VAT1L: variants seen among roughly 807,000 people sequenced by gnomAD.
VAT1L encodes the protein vesicle amine transport 1 like, also known as putative NADPH-dependent quinone oxidoreductase VAT1L.
VAT1L carries 34 observed loss-of-function variants against 44.1 expected under a neutral mutation model. That is an observed-to-expected ratio of 0.77 (90% confidence interval 0.59 to 1.03). The LOEUF (loss-of-function observed/expected upper bound fraction) is 1.03. VAT1L is among the 50% of genes least tolerant of loss of function. The pLI, the probability that VAT1L is intolerant of heterozygous loss-of-function variation, is 0.00. For missense variants in VAT1L, 615 were observed against 538.8 expected (o/e 1.14, Z -1.40); for synonymous variants, 253 against 202.2 (o/e 1.25, Z -2.13).
At chr16:77,873,666 A>G (rs2017056525) in intron 4 of VAT1L, among the ~76,000 whole-genome samples, 1 of 152,220 alleles carries the variant, frequency 6.6e-6, no homozygotes, top group Non-Finnish European at 1.5e-5. Context: ...GGTACTAAAA[A>G]GTATCTCCAG....
chr16:77,814,929 TACTG>T (rs1230893775), intron 1 of VAT1L, among the ~76,000 whole-genome samples: 6 of 152,240 alleles, frequency 3.9e-5, no homozygotes, highest in African/African-American at 1.2e-4. Context: ...ATGTATTGAA[TACTG>T]ACTATGTACG....
intron 3 of VAT1L, among the ~76,000 whole-genome samples, chr16:77,846,257 A>G (rs1028214324): frequency 6.6e-6 from 1 of 152,164 alleles, no homozygotes; most frequent in African/African-American, 2.4e-5. Context: ...CTTGTAAGCC[A>G]TTATGCCAGT....
chr16:77,914,975 A>C (rs1313787453), intron 7 of VAT1L, among the ~76,000 whole-genome samples: 1 of 152,144 alleles, frequency 6.6e-6, no homozygotes, highest in Non-Finnish European at 1.5e-5. Flanking sequence ...AAAATACAAA[A>C]TTAGCCAGGC....
chr16:77,836,563 C>T (rs1166471364), intron 3 of VAT1L, among the ~76,000 whole-genome samples: 2 of 152,156 alleles, frequency 1.3e-5, no homozygotes, highest in African/African-American at 4.8e-5. Flanking sequence ...TCCAAAATGT[C>T]AGAGACATTT....
intron 7 of VAT1L, among the ~76,000 whole-genome samples, chr16:77,948,021 A>G (rs2017991566): frequency 6.6e-6 from 1 of 152,116 alleles, no homozygotes; most frequent in African/African-American, 2.4e-5. Flanking sequence ...GGGCCTCCCA[A>G]AGTGCTGGGA....
At chr16:77,863,442 C>A (rs1797295821) in intron 4 of VAT1L, among the ~76,000 whole-genome samples, 1 of 152,204 alleles carries the variant, frequency 6.6e-6, no homozygotes, top group African/African-American at 2.4e-5. Flanking sequence ...AACTGAGAAA[C>A]CTTGTCATTG....
chr16:77,814,911 AG>A (rs1399014718), intron 1 of VAT1L, among the ~76,000 whole-genome samples: 2 of 152,202 alleles, frequency 1.3e-5, no homozygotes, highest in Non-Finnish European at 2.9e-5. Context: ...GCAAATTTCA[AG>A]GCTAACATGT....
Position 77,802,669 on chromosome 16 carries a change from C to CACA in VAT1L, c.233+13754_233+13755insACA, listed in dbSNP as rs1335721953. Among the ~76,000 whole-genome samples the CACA allele has an allele frequency of 4.0e-3, 533 of 131,724 alleles. 6 individuals are homozygous for CACA. Among genetic ancestry groups the CACA allele is most frequent in the Middle Eastern group, 8.0e-3 (2 of 250 alleles). The allele number at this position is 131,724 out of a possible 152,430, so 86.4% of individuals were successfully genotyped here. On this transcript the variant is annotated intron_variant, in intron 1 of 8. Transcript: ENST00000302536. Reference sequence around the variant, plus strand: ...ACACACACACACACACACACACACACTAAAGTTGCATCCATTCATGGCACG... The same window carrying CACA: ...ACACACACACACACACACACACACACACATAAAGTTGCATCCATTCATGGCACG...
intron 2 of VAT1L, among the ~76,000 whole-genome samples, chr16:77,819,264 T>A (rs1444999486): frequency 6.6e-6 from 1 of 152,214 alleles, no homozygotes. Context: ...CATCAGCTAT[T>A]CTGTGGGACT....
At chr16:77,939,398 G>C (rs2017848230) in intron 7 of VAT1L, among the ~76,000 whole-genome samples, 1 of 152,174 alleles carries the variant, frequency 6.6e-6, no homozygotes, top group South Asian at 2.1e-4. Context: ...AGGCGGGCGG[G>C]GTGGGGACGG....
Position 77,884,225 on chromosome 16 carries a change from A to G in VAT1L, c.883-383A>G, listed in dbSNP as rs1170806266. Among the ~76,000 whole-genome samples, 1 of 152,046 alleles carries G rather than the reference A, an allele frequency of 6.6e-6. No individual in the cohort carries two copies. Among genetic ancestry groups the G allele is most frequent in the East Asian group, 1.9e-4 (1 of 5,164 alleles). The stretch of plus-strand genomic sequence containing the variant: ...TGGATCACGAGGTCAGGAGTTCAAG[A>G]CCAGCCTGGCCAAGATGGTGAAACC... On this transcript the variant is annotated intron_variant, in intron 6 of 8. Transcript: ENST00000302536. The surrounding 1 kb of genome is among the most constrained non-coding windows in gnomAD (Gnocchi z 4.5).
At chr16:77,817,934 G>A (rs2016384084) in intron 2 of VAT1L, among the ~76,000 whole-genome samples, 1 of 152,158 alleles carries the variant, frequency 6.6e-6, no homozygotes, top group South Asian at 2.1e-4. Context: ...GAACCATGGA[G>A]AAGTTATCTT....
chr16:77,954,325 T>G (rs1165821558), intron 7 of VAT1L, among the ~76,000 whole-genome samples: 1 of 152,058 alleles, frequency 6.6e-6, no homozygotes, highest in Non-Finnish European at 1.5e-5. Flanking sequence ...TCTATCCAGA[T>G]AGCAAAAAGT....
intron 7 of VAT1L, among the ~76,000 whole-genome samples, chr16:77,959,144 T>C (rs1328888412): frequency 6.6e-6 from 1 of 152,162 alleles, no homozygotes; most frequent in Non-Finnish European, 1.5e-5. Context: ...CACCCTCATC[T>C]ATTCCCCACA....
At chr16:77,845,816 G>A (rs764988620) in intron 3 of VAT1L, among the ~76,000 whole-genome samples, 2 of 152,212 alleles carry the variant, frequency 1.3e-5, no homozygotes, top group African/African-American at 4.8e-5. Flanking sequence ...CCGCTCTTCT[G>A]CCTCTATGCC....
In VAT1L at chr16:77,858,835, CA is replaced by C. The variant is rs908988640; in HGVS notation, c.580-3904del. ...GTAACATAGTGAGACCCCATCTTTA[CA>C]AAAAAAAATTTTAAAAAGGCTGGGC... On this transcript the variant is annotated intron_variant, in intron 3 of 8. Coordinates refer to ENST00000302536, the MANE Select transcript of VAT1L (RefSeq NM_020927.3). 1.5e-4 allele frequency among the ~76,000 whole-genome samples: 22 copies of C among 151,384 alleles called. 1 individual carries two copies. In the East Asian group the frequency reaches 3.7e-3, roughly 25 times the overall value.
At chr16:77,856,661 C>A (rs2016862437) in intron 3 of VAT1L, among the ~76,000 whole-genome samples, 1 of 152,162 alleles carries the variant, frequency 6.6e-6, no homozygotes, top group Non-Finnish European at 1.5e-5. Flanking sequence ...GCTGCCTGTG[C>A]TCTGATTAAG....
intron 7 of VAT1L, among the ~76,000 whole-genome samples, chr16:77,916,552 A>G (rs1287798525): frequency 6.6e-6 from 1 of 152,162 alleles, no homozygotes; most frequent in Non-Finnish European, 1.5e-5. Flanking sequence ...CTTGGCCTCA[A>G]GCAATTCTCC....
intron 7 of VAT1L, among the ~76,000 whole-genome samples, chr16:77,930,208 T>G (rs1026839920): frequency 2.6e-5 from 4 of 152,186 alleles, no homozygotes; most frequent in Non-Finnish European, 1.5e-5. Context: ...TTCCTTATTG[T>G]TGTTGAGATG....
Sources: allele counts gnomAD v4.1 joint callset (sites outside exome capture counted in the v4.1 genomes callset), GRCh38; gene constraint gnomAD v4.1.1; non-coding constraint Gnocchi (gnomAD v3.1); transcripts MANE v1.5; gene names NCBI Gene and HGNC (gene_info 2026-07-23, HGNC 2026-07-21).